The following HUNK variants were observed in gnomAD, a reference collection of about 807,000 sequenced individuals.
HUNK encodes the protein hormonally up-regulated Neu-associated kinase, also known as hormonally up-regulated neu tumor-associated kinase.
A neutral mutation model predicts 61.0 loss-of-function variants in HUNK; 21 were observed. The observed-to-expected ratio is 0.34, with a 90% CI of 0.24 to 0.50. The LOEUF (loss-of-function observed/expected upper bound fraction) is 0.50. Ranked by LOEUF, HUNK falls within the 20% of genes least tolerant of loss-of-function variation. The probability of loss-of-function intolerance (pLI) is 0.98; values close to 1 mark genes in which losing one functional copy is unlikely to be tolerated. For missense variants in HUNK, 772 were observed against 945.7 expected (o/e 0.82, Z 2.41); for synonymous variants, 371 against 386.1 (o/e 0.96, Z 0.46).
chr21:31,957,754 G>A (rs2052899517), intron 4 of HUNK, among the ~76,000 whole-genome samples: 1 of 152,148 alleles, frequency 6.6e-6, no homozygotes, highest in Non-Finnish European at 1.5e-5. Flanking sequence ...TTACTCAGAA[G>A]GTATTTCAAC....
At chr21:31,953,106 A>G (rs898809945) in intron 4 of HUNK, among the ~76,000 whole-genome samples, 1 of 152,218 alleles carries the variant, frequency 6.6e-6, no homozygotes, top group Non-Finnish European at 1.5e-5. Context: ...GAAATGTCAG[A>G]TGGACTAGGT....
intron 5 of HUNK, among the ~76,000 whole-genome samples, chr21:31,962,511 A>G (rs1052684500): frequency 6.6e-6 from 1 of 152,246 alleles, no homozygotes; most frequent in Non-Finnish European, 1.5e-5. Flanking sequence ...GAGACATATT[A>G]AAAATGTTCC....
At chr21:31,928,722 G>A (rs2052677547) in intron 2 of HUNK, among the ~76,000 whole-genome samples, 1 of 152,162 alleles carries the variant, frequency 6.6e-6, no homozygotes, top group African/African-American at 2.4e-5. Flanking sequence ...ATTCATAGTG[G>A]CTTTAACGGA....
intron 2 of HUNK, among the ~76,000 whole-genome samples, chr21:31,933,601 A>G (rs1234399194): frequency 6.6e-6 from 1 of 152,088 alleles, no homozygotes; most frequent in African/African-American, 2.4e-5. Context: ...CCTGACCAAC[A>G]TGGAGAAACC....
At chr21:31,995,158 CAA>C (rs34858300) in intron 9 of HUNK, among the ~76,000 whole-genome samples, 21,483 of 73,048 alleles carry the variant, frequency 0.29, 1,207 homozygotes, top group Admixed American at 0.33. Flanking sequence ...GACCCTGCCT[CAA>C]AAAAAAAAAA....
At chr21:31,933,404 C>A (rs941629273) in intron 2 of HUNK, among the ~76,000 whole-genome samples, 1 of 152,064 alleles carries the variant, frequency 6.6e-6, no homozygotes, top group African/African-American at 2.4e-5. Flanking sequence ...AATCCCAGCA[C>A]TTTGGGAAGC....
intron 4 of HUNK, among the ~76,000 whole-genome samples, chr21:31,952,445 G>A (rs1195566724): frequency 6.6e-6 from 1 of 152,116 alleles, no homozygotes; most frequent in East Asian, 1.9e-4. Flanking sequence ...CCTTAAGAAC[G>A]AGTAATCAGA....
chr21:31,877,761 A>G (rs918798817), intron 1 of HUNK, among the ~76,000 whole-genome samples: 1 of 152,166 alleles, frequency 6.6e-6, no homozygotes, highest in Non-Finnish European at 1.5e-5. Flanking sequence ...GTATGGGGTA[A>G]TGACTTTGAA....
At chr21:31,976,459 C>CTTTTTTTTTTTT (rs34950116) in intron 7 of HUNK, among the ~76,000 whole-genome samples, 2 of 63,610 alleles carry the variant, frequency 3.1e-5, no homozygotes, top group Non-Finnish European at 5.5e-5. Context: ...TTTTTTGAGA[C>CTTTTTTTTTTTT]TTTTTTTTTT....
intron 4 of HUNK, among the ~76,000 whole-genome samples, chr21:31,951,003 A>G (rs1205645581): frequency 6.6e-6 from 1 of 152,066 alleles, no homozygotes; most frequent in African/African-American, 2.4e-5. Context: ...CTTCCCTACA[A>G]ATAGGGCCCC....
chr21:31,901,812 T>C (rs1373580934), intron 1 of HUNK, among the ~76,000 whole-genome samples: 2 of 152,166 alleles, frequency 1.3e-5, no homozygotes, highest in African/African-American at 4.8e-5. Flanking sequence ...TTTTTGTTTT[T>C]CTTTGGTCAC....
intron 1 of HUNK, among the ~76,000 whole-genome samples, chr21:31,918,442 G>A (rs897430812): frequency 2.6e-5 from 4 of 152,160 alleles, no homozygotes; most frequent in African/African-American, 9.7e-5. Context: ...TGTAACAAAT[G>A]ACCACAAACT....
intron 3 of HUNK, 56 bp downstream of exon 3, chr21:31,940,276 T>A (rs2032987347): frequency 6.2e-6 from 7 of 1,129,760 alleles, no homozygotes; most frequent in Non-Finnish European, 9.0e-6. Flanking sequence ...GTGTTGTCAG[T>A]TCTCAACTTT....
At chr21:31,888,820 A>G (rs965956374) in intron 1 of HUNK, among the ~76,000 whole-genome samples, 7 of 151,968 alleles carry the variant, frequency 4.6e-5, no homozygotes, top group African/African-American at 1.4e-4. Context: ...GTATGTGTGT[A>G]TATATATATA....
chr21:31,877,036 G>A (rs1000520120), intron 1 of HUNK, among the ~76,000 whole-genome samples: 1 of 152,142 alleles, frequency 6.6e-6, no homozygotes, highest in African/African-American at 2.4e-5. Flanking sequence ...CACGTGGAGC[G>A]AAAGGATTCA....
At chr21:31,992,171 A>G (rs1030008799) in intron 9 of HUNK, among the ~76,000 whole-genome samples, 1 of 152,188 alleles carries the variant, frequency 6.6e-6, no homozygotes, top group Non-Finnish European at 1.5e-5. Flanking sequence ...TTTGGAACAC[A>G]GAAGCCTGGG....
chr21:31,905,732 A>G (rs1410804941), intron 1 of HUNK, among the ~76,000 whole-genome samples: 2 of 152,244 alleles, frequency 1.3e-5, no homozygotes, highest in Non-Finnish European at 2.9e-5. Context: ...ATAAACGCAC[A>G]TGAATAAATC....
chr21:32,000,108 G>A lies in HUNK; in HGVS notation c.*924G>A, dbSNP rs2053236345. 2.5e-6 allele frequency: 1 copy of A among 398,556 alleles called. No homozygotes were observed. Among genetic ancestry groups the A allele is most frequent in the Non-Finnish European group, 4.4e-6 (1 of 226,068 alleles). 24.7% of individuals were successfully genotyped at this position (398,556 alleles called of 1,614,324 possible). On this transcript the variant is annotated 3_prime_UTR_variant, in exon 11 of 11. Transcript: ENST00000270112. ...GGCATAGCCCTGATCCTTCTGGAAG[G>A]CATAGAACACGGTTACAGCTGGTTC... is the stretch of plus-strand genomic sequence containing the variant.
At chr21:31,998,343 T>C (rs1012726441) in intron 10 of HUNK, among the ~76,000 whole-genome samples, 183 bp from the exon 11 acceptor site, 12 of 152,150 alleles carry the variant, frequency 7.9e-5, no homozygotes, top group Non-Finnish European at 1.6e-4. Flanking sequence ...CTGCCCGACC[T>C]CTGTGGGGAG....
Sources: gnomAD v4.1 joint callset for allele counts (sites outside exome capture counted in the v4.1 genomes callset) on GRCh38, gnomAD v4.1.1 for gene constraint, MANE v1.5 for transcripts, NCBI Gene and HGNC (gene_info 2026-07-23, HGNC 2026-07-21) for gene names.